Variants in DYNC1I1 observed in about 807,000 individuals in gnomAD.
The protein encoded by DYNC1I1 is dynein cytoplasmic 1 intermediate chain 1, also known as cytoplasmic dynein 1 intermediate chain 1.
DYNC1I1 carries 43 observed loss-of-function variants against 86.6 expected under a neutral mutation model. That is an observed-to-expected ratio of 0.50 (90% CI 0.39 to 0.64). The LOEUF (loss-of-function observed/expected upper bound fraction) is 0.64. Among genes scored for constraint, DYNC1I1 ranks in the 30% least tolerant of loss-of-function variants. The pLI is 0.00. For missense variants in DYNC1I1, 604 were observed against 788.8 expected (o/e 0.77, Z 2.81); for synonymous variants, 262 against 283.7 (o/e 0.92, Z 0.77).
chr7:95,799,507 G>A (rs1192556551), intron 1 of DYNC1I1, among the ~76,000 whole-genome samples: 1 of 152,180 alleles, frequency 6.6e-6, no homozygotes, highest in African/African-American at 2.4e-5. Context: ...ATCCTCTGGG[G>A]GAAGTGGGTA....
intron 13 of DYNC1I1, among the ~76,000 whole-genome samples, chr7:96,038,554 A>G (rs1270799721): frequency 6.6e-6 from 1 of 152,194 alleles, no homozygotes. Context: ...TCTTTTTCTT[A>G]GCTAGTTTAT....
intron 5 of DYNC1I1, among the ~76,000 whole-genome samples, chr7:95,847,617 A>C (rs980816986): frequency 2.6e-5 from 4 of 152,156 alleles, no homozygotes; most frequent in African/African-American, 9.7e-5. Flanking sequence ...ATAAAGTCCA[A>C]ATTCTTTAAC....
intron 6 of DYNC1I1, among the ~76,000 whole-genome samples, chr7:95,895,587 ATGT>A (rs1237001195): frequency 3.9e-5 from 6 of 152,124 alleles, no homozygotes; most frequent in Non-Finnish European, 8.8e-5. Context: ...TGCGTTGTTG[ATGT>A]TGTGAGTTGT....
intron 10 of DYNC1I1, among the ~76,000 whole-genome samples, chr7:96,007,895 C>T (rs1459118184): frequency 1.3e-5 from 2 of 152,184 alleles, no homozygotes; most frequent in East Asian, 3.9e-4. Context: ...TGAATTCTCA[C>T]TGGCTCTGAG....
At chr7:95,943,772 G>T (rs1792309945) in intron 6 of DYNC1I1, among the ~76,000 whole-genome samples, 1 of 151,204 alleles carries the variant, frequency 6.6e-6, no homozygotes, top group African/African-American at 2.4e-5. Context: ...AAGCAATGGG[G>T]AAAGGATTCC....
At chr7:96,100,636 T>C (rs1042734787), downstream of DYNC1I1, among the ~76,000 whole-genome samples, 1 of 122,142 alleles carries the variant, frequency 8.2e-6, no homozygotes, top group African/African-American at 2.9e-5. Flanking sequence ...AATAATTCAT[T>C]GACTTTGAGG....
Position 96,052,500 on chromosome 7 carries a change from G to A in DYNC1I1, c.1509+13079G>A, listed in dbSNP as rs577026398. On this transcript the variant is annotated intron_variant, in intron 14 of 16. Coordinates refer to ENST00000447467, the MANE Select transcript of DYNC1I1 (RefSeq NM_001135556.2). ...GCAGTTTAGTCATCTCTAAAATGGG[G>A]ATTAAAATACCTCCTATTTCATGAA... Among the ~76,000 whole-genome samples, 4 of 152,256 alleles carry A rather than the reference G, an allele frequency of 2.6e-5. No homozygotes were observed. In the South Asian group the frequency reaches 8.3e-4, roughly 32 times the overall value.
intron 7 of DYNC1I1, among the ~76,000 whole-genome samples, chr7:95,984,555 A>T (rs1584225432): frequency 6.6e-6 from 1 of 152,156 alleles, no homozygotes; most frequent in South Asian, 2.1e-4. Flanking sequence ...ACACCAATCT[A>T]TTTTTATTTG....
intron 16 of DYNC1I1, among the ~76,000 whole-genome samples, chr7:96,103,933 C>A (rs1169862987): frequency 6.6e-6 from 1 of 152,084 alleles, no homozygotes; most frequent in Non-Finnish European, 1.5e-5. Flanking sequence ...TTTAATGACT[C>A]CACAACTTCT....
intron 1 of DYNC1I1, among the ~76,000 whole-genome samples, chr7:95,798,848 G>A (rs1794509441): frequency 6.6e-6 from 1 of 152,262 alleles, no homozygotes; most frequent in Admixed American, 6.5e-5. Flanking sequence ...ACTATACCAT[G>A]ATGATATGTG....
In DYNC1I1 at chr7:96,039,557, C is replaced by T. The variant is rs1788973301; in HGVS notation, c.1509+136C>T. ...GAATTCATATACCTTCTGGTGAGCT[C>T]AGTCTACCTCAGAGCTAGTTAAGTC... On this transcript the variant is annotated intron_variant, in intron 14 of 16. Transcript: ENST00000447467. 5 of 979,966 alleles carry T rather than the reference C, an allele frequency of 5.1e-6. No individual in the cohort carries two copies. In the East Asian group the frequency reaches 1.0e-4, roughly 20 times the overall value. The allele number at this position is 979,966 out of a possible 1,614,324, so 60.7% of individuals were successfully genotyped here.
intron 14 of DYNC1I1, among the ~76,000 whole-genome samples, chr7:96,046,455 G>A (rs1789217745): frequency 6.6e-6 from 1 of 152,226 alleles, no homozygotes; most frequent in African/African-American, 2.4e-5. Context: ...CAATAAACCT[G>A]TGAGTAGATG....
At chr7:95,812,725 C>T (rs1794856754) in intron 3 of DYNC1I1, among the ~76,000 whole-genome samples, 1 of 152,192 alleles carries the variant, frequency 6.6e-6, no homozygotes, top group African/African-American at 2.4e-5. Context: ...TGGCAAACAG[C>T]TTATATTCCA....
chr7:96,072,777 A>G (rs1392742799), intron 14 of DYNC1I1, among the ~76,000 whole-genome samples: 9 of 152,202 alleles, frequency 5.9e-5, no homozygotes, highest in African/African-American at 2.2e-4. Context: ...TTCTTTATGA[A>G]AATTTTAATA....
intron 5 of DYNC1I1, among the ~76,000 whole-genome samples, chr7:95,836,247 G>C (rs2115979287): frequency 6.6e-6 from 1 of 152,168 alleles, no homozygotes; most frequent in Non-Finnish European, 1.5e-5. Context: ...AGTTTGGCTG[G>C]ATATGAAATT....
At chr7:95,794,309 T>G (rs2706890) in intron 1 of DYNC1I1, among the ~76,000 whole-genome samples, 18,904 of 152,174 alleles carry the variant, frequency 0.12, 1,276 homozygotes, top group African/African-American at 0.18. Flanking sequence ...TTTTATACTC[T>G]TTCAAGGATT....
chr7:95,803,335 T>A (rs1339323614), intron 1 of DYNC1I1, among the ~76,000 whole-genome samples: 2 of 152,200 alleles, frequency 1.3e-5, no homozygotes, highest in Non-Finnish European at 2.9e-5. Context: ...GTTTTGCTTA[T>A]CTTTGTATCC....
intron 14 of DYNC1I1, 125 bp from the exon 15 acceptor site, chr7:96,075,932 C>A: frequency 7.5e-7 from 1 of 1,336,300 alleles, no homozygotes; most frequent in South Asian, 1.5e-5. Flanking sequence ...TTCACCTTCT[C>A]GAGGACTTTC....
intron 11 of DYNC1I1, among the ~76,000 whole-genome samples, chr7:96,028,894 A>G (rs1794743934): frequency 6.6e-6 from 1 of 152,206 alleles, no homozygotes; most frequent in Admixed American, 6.5e-5. Context: ...TAGTGTTCAT[A>G]AGACAACTAC....
Sources: allele counts gnomAD v4.1 joint callset (sites outside exome capture counted in the v4.1 genomes callset), GRCh38; gene constraint gnomAD v4.1.1; transcripts MANE v1.5; gene names NCBI Gene and HGNC (gene_info 2026-07-23, HGNC 2026-07-21).